Variants in STXBP5L observed in about 807,000 individuals in gnomAD.
STXBP5L encodes the protein syntaxin-binding protein 5-like.
In STXBP5L, 65 loss-of-function variants were observed where a neutral mutation model predicts 144.5. The observed-to-expected ratio is 0.45, with a 90% CI of 0.37 to 0.55. The LOEUF is 0.55. STXBP5L is among the 20% of genes least tolerant of loss of function. STXBP5L has a pLI of 0.00. For missense variants in STXBP5L, 1,298 were observed against 1,405.5 expected, an observed-to-expected ratio of 0.92 and a Z score of 1.22; for synonymous variants, 505 against 469.6, an observed-to-expected ratio of 1.08 and a Z score of -0.97.
intron 5 of STXBP5L, among the ~76,000 whole-genome samples, chr3:121,055,549 C>T (rs1168393571): frequency 6.6e-6 from 1 of 152,016 alleles, no homozygotes; most frequent in Non-Finnish European, 1.5e-5. Flanking sequence ...CCTGCTCTGT[C>T]TCCCAGGCTG....
At chr3:121,240,027 A>G (rs543388287) in intron 13 of STXBP5L, among the ~76,000 whole-genome samples, 8 of 152,236 alleles carry the variant, frequency 5.3e-5, no homozygotes, top group African/African-American at 1.9e-4. Flanking sequence ...TACAATTGTA[A>G]CAGATTATCT....
chr3:120,992,060 G>A (rs1336735488), intron 3 of STXBP5L, among the ~76,000 whole-genome samples: 1 of 151,970 alleles, frequency 6.6e-6, no homozygotes, highest in Non-Finnish European at 1.5e-5. Flanking sequence ...CTATGTCATT[G>A]TATTTGAAAT....
chr3:121,239,714 G>C (rs1478229815), intron 13 of STXBP5L, among the ~76,000 whole-genome samples: 4 of 116,404 alleles, frequency 3.4e-5, no homozygotes, highest in African/African-American at 6.5e-5. Context: ...GTTGTGGGGT[G>C]GGGGGAGGGG....
chr3:121,285,742 T>A (rs1327977985), intron 19 of STXBP5L, among the ~76,000 whole-genome samples: 1 of 152,128 alleles, frequency 6.6e-6, no homozygotes, highest in African/African-American at 2.4e-5. Context: ...CATACATTTA[T>A]AATCTTAAAC....
intron 10 of STXBP5L, among the ~76,000 whole-genome samples, chr3:121,211,202 G>T (rs2048551421): frequency 6.6e-6 from 1 of 152,214 alleles, no homozygotes; most frequent in South Asian, 2.1e-4. Context: ...AATTGTGAAT[G>T]TGAGTTTACT....
chr3:121,111,533 C>A (rs1048876225), intron 5 of STXBP5L, among the ~76,000 whole-genome samples: 1 of 152,132 alleles, frequency 6.6e-6, no homozygotes, highest in Admixed American at 6.5e-5. Flanking sequence ...TGCCTGGGTC[C>A]CTCCCACACC....
intron 20 of STXBP5L, among the ~76,000 whole-genome samples, chr3:121,371,448 G>A (rs1576306676): frequency 1.3e-5 from 2 of 152,374 alleles, no homozygotes; most frequent in African/African-American, 4.8e-5. Flanking sequence ...CAACCATGGA[G>A]ACAAAGCACT....
chr3:121,137,886 C>T (rs1460661225), intron 7 of STXBP5L, among the ~76,000 whole-genome samples: 1 of 152,084 alleles, frequency 6.6e-6, no homozygotes, highest in East Asian at 1.9e-4. Flanking sequence ...AGGATGTCCA[C>T]TCTTAGCAGT....
chr3:121,016,617 C>G (rs1444884168), intron 3 of STXBP5L, among the ~76,000 whole-genome samples: 1 of 152,104 alleles, frequency 6.6e-6, no homozygotes, highest in Non-Finnish European at 1.5e-5. Flanking sequence ...AACTGTGTGA[C>G]AGTTTCAAAA....
chr3:121,178,172 G>A (rs2047008698), intron 9 of STXBP5L, among the ~76,000 whole-genome samples: 1 of 152,148 alleles, frequency 6.6e-6, no homozygotes, highest in Non-Finnish European at 1.5e-5. Flanking sequence ...TTTCAGTTAA[G>A]GAAGACAAAA....
chr3:121,112,807 T>C (rs1559760700), intron 5 of STXBP5L, among the ~76,000 whole-genome samples: 1 of 152,198 alleles, frequency 6.6e-6, no homozygotes. Flanking sequence ...GTGGTAGAAA[T>C]AAGTTACAAA....
At chr3:121,261,021 C>T (rs2050366022) in intron 18 of STXBP5L, among the ~76,000 whole-genome samples, 2 of 151,960 alleles carry the variant, frequency 1.3e-5, no homozygotes, top group Admixed American at 1.3e-4. Context: ...ATTCTCTAGC[C>T]CAAGTAATTA....
At chr3:120,951,536 C>CA (rs1311453492) in intron 2 of STXBP5L, among the ~76,000 whole-genome samples, 1 of 151,946 alleles carries the variant, frequency 6.6e-6, no homozygotes, top group African/African-American at 2.4e-5. Context: ...TTTATGCAGC[C>CA]AAAAAACACA....
intron 19 of STXBP5L, among the ~76,000 whole-genome samples, chr3:121,303,926 T>C (rs1337766209): frequency 6.6e-6 from 1 of 151,666 alleles, no homozygotes; most frequent in African/African-American, 2.4e-5. Context: ...ATACCTAATG[T>C]TAAATGATGA....
intron 26 of STXBP5L, among the ~76,000 whole-genome samples, 188 bp downstream of exon 26, chr3:121,418,745 C>T (rs1464688483): frequency 6.7e-6 from 1 of 149,554 alleles, no homozygotes; most frequent in Non-Finnish European, 1.5e-5. Context: ...TAAAAAAATA[C>T]TTTAATGTAT....
intron 9 of STXBP5L, among the ~76,000 whole-genome samples, chr3:121,162,599 A>C (rs918382938): frequency 6.6e-6 from 1 of 152,222 alleles, no homozygotes; most frequent in Non-Finnish European, 1.5e-5. Flanking sequence ...GAGCTTCTGC[A>C]AAGCAAAAGA....
intron 3 of STXBP5L, among the ~76,000 whole-genome samples, chr3:120,956,474 A>G (rs1449141937): frequency 6.6e-6 from 1 of 151,900 alleles, no homozygotes; most frequent in Non-Finnish European, 1.5e-5. Context: ...TAATGTCCTC[A>G]ACGTTTATCC....
intron 20 of STXBP5L, among the ~76,000 whole-genome samples, chr3:121,366,435 C>T (rs1160269768): frequency 2.0e-5 from 3 of 151,826 alleles, no homozygotes; most frequent in Non-Finnish European, 4.4e-5. Context: ...TCATTAGAGG[C>T]TTAAATATTT....
intron 3 of STXBP5L, among the ~76,000 whole-genome samples, chr3:120,993,927 G>T (rs1467841612): frequency 6.6e-6 from 1 of 151,976 alleles, no homozygotes; most frequent in Non-Finnish European, 1.5e-5. Flanking sequence ...TCCAATTCAT[G>T]AGCATGGGAT....
Sources: gnomAD v4.1 joint callset for allele counts (sites outside exome capture counted in the v4.1 genomes callset) on GRCh38, gnomAD v4.1.1 for gene constraint, MANE v1.5 for transcripts, NCBI Gene and HGNC (gene_info 2026-07-23, HGNC 2026-07-21) for gene names.